SMARCD3: variants seen among roughly 807,000 people sequenced by gnomAD.
The protein encoded by SMARCD3 is SWI/SNF-related matrix-associated actin-dependent regulator of chromatin subfamily D member 3.
In SMARCD3, 14 loss-of-function variants were observed where a neutral mutation model predicts 58.0. The ratio of observed to expected loss-of-function variants is 0.24; its 90% CI spans 0.16 to 0.38. The LOEUF (loss-of-function observed/expected upper bound fraction) is 0.38. Ranked by LOEUF, SMARCD3 falls within the 10% of genes least tolerant of loss-of-function variation. The probability of loss-of-function intolerance (pLI) is 1.00; values close to 1 mark genes in which losing one functional copy is unlikely to be tolerated. For missense variants in SMARCD3, 408 were observed against 636.9 expected (o/e 0.64, Z 3.87); for synonymous variants, 253 against 253.8 (o/e 1.00, Z 0.03).
chr7:151,267,977 CATAA>C (rs1322576629), intron 2 of SMARCD3, among the ~76,000 whole-genome samples: 2 of 152,148 alleles, frequency 1.3e-5, no homozygotes, highest in Non-Finnish European at 2.9e-5. Context: ...GATCCTGTCT[CATAA>C]ATAAATAAAC....
chr7:151,260,933 C>T (rs908225822), intron 2 of SMARCD3, among the ~76,000 whole-genome samples: 13 of 152,216 alleles, frequency 8.5e-5, no homozygotes, highest in Admixed American at 5.9e-4. Flanking sequence ...TCACAGTAAG[C>T]TCAGCATCTT....
chr7:151,272,916 T>A (rs1418336727), intron 2 of SMARCD3, among the ~76,000 whole-genome samples: 1 of 152,122 alleles, frequency 6.6e-6, no homozygotes, highest in Non-Finnish European at 1.5e-5. Flanking sequence ...AGTCCACTCA[T>A]CCCCGATGGG....
chr7:151,272,635 A>G (rs766596322), intron 2 of SMARCD3, among the ~76,000 whole-genome samples: 6 of 152,178 alleles, frequency 3.9e-5, no homozygotes, highest in Non-Finnish European at 8.8e-5. Context: ...TAGAGTGCCA[A>G]GAATCGGTGT....
At chr7:151,255,437 C>T (rs1289646843) in intron 2 of SMARCD3, among the ~76,000 whole-genome samples, 1 of 152,176 alleles carries the variant, frequency 6.6e-6, no homozygotes, top group African/African-American at 2.4e-5. Flanking sequence ...TGCATCTTAC[C>T]CCCAGCTAGG....
Position 151,243,594 on chromosome 7 carries a change from GGGAGGGGAGGGC to G in SMARCD3, c.333+53_333+64del. 1.2e-6 allele frequency: 1 copy of G among 868,762 alleles called. No individual in the cohort carries two copies. The highest frequency in any genetic ancestry group is 2.0e-6 in the Non-Finnish European group (1 of 511,100). The allele number at this position is 868,762 out of a possible 1,614,324, so 53.8% of individuals were successfully genotyped here. The stretch of plus-strand genomic sequence containing the variant: ...GATGCTGAAGCTCTGCTTCTGAGGG[GGGAGGGGAGGGC>G]GGAGCAGCAAAGGGTGGGGGGTGGG... On this transcript the variant is annotated intron_variant, in intron 3 of 12. Coordinates refer to ENST00000262188, the MANE Select transcript of SMARCD3 (RefSeq NM_001003801.2). This position sits in a 1 kb window ranked among gnomAD's most constrained non-coding sequence, Gnocchi z 4.4.
intron 2 of SMARCD3, among the ~76,000 whole-genome samples, chr7:151,255,895 T>TG (rs1803683868): frequency 6.6e-6 from 1 of 151,996 alleles, no homozygotes; most frequent in African/African-American, 2.4e-5. Flanking sequence ...TTTTTTTTTT[T>TG]TTTGAGACAG....
chr7:151,243,521 G>A lies in SMARCD3; in HGVS notation c.333+138C>T, dbSNP rs1803102852. 1.5e-6 allele frequency: 1 copy of A among 665,748 alleles called. No homozygotes were observed. The highest frequency in any genetic ancestry group is 1.8e-5 in the African/African-American group (1 of 56,148). 41.2% of individuals were successfully genotyped at this position (665,748 alleles called of 1,614,324 possible). On this transcript the variant is annotated intron_variant, in intron 3 of 12. Transcript: ENST00000262188. This position sits in a 1 kb window ranked among gnomAD's most constrained non-coding sequence, Gnocchi z 4.4. ...TCACCCCCTCCCTCTGGCCTGCGGA[G>A]CCTCACTTATTAATGAGCTTTTTTA...
At position 151,241,237 on chromosome 7, in the gene SMARCD3, G is replaced by A. The variant is rs1295230340; in HGVS notation, c.939+255C>T. 13 of 520,278 alleles carry A rather than the reference G, an allele frequency of 2.5e-5. No individual in the cohort carries two copies. The highest frequency in any genetic ancestry group is 1.3e-4 in the African/African-American group (7 of 52,174). The allele number at this position is 520,278 out of a possible 1,614,324, so 32.2% of individuals were successfully genotyped here. ...CCAAGAATATTACATTCCAGAAAGC[G>A]GTTGGCTTTGTAGGGTTTCCAGGTC... On this transcript the variant is annotated intron_variant, in intron 8 of 12. Coordinates refer to ENST00000262188, the MANE Select transcript of SMARCD3 (RefSeq NM_001003801.2). The surrounding 1 kb of genome is among the most constrained non-coding windows in gnomAD (Gnocchi z 5.3).
intron 1 of SMARCD3, chr7:151,275,318 A>C (rs1343790153): frequency 1.5e-6 from 1 of 659,320 alleles, no homozygotes; most frequent in African/African-American, 1.8e-5. Flanking sequence ...GCTGCGAAGA[A>C]GCCAAACTCC....
At chr7:151,250,518 A>G, upstream of SMARCD3, among the ~76,000 whole-genome samples, 1 of 151,502 alleles carries the variant, frequency 6.6e-6, no homozygotes, top group East Asian at 2.0e-4. Flanking sequence ...TTTTACCTGG[A>G]ATGCCCTTTG....
rs763151189 is a variant in SMARCD3, at chr7:151,242,630, C to A, written c.457-27G>T. On this transcript the variant is annotated intron_variant, in intron 4 of 12. Transcript: ENST00000262188. The surrounding 1 kb of genome is among the most constrained non-coding windows in gnomAD (Gnocchi z 4.7). Reference sequence around the variant, plus strand: ...TGTAGAAATAGAGTGCAGAACCGGGCGAATGCTGTGTGCTCCCACCCCGAC... The same window carrying A: ...TGTAGAAATAGAGTGCAGAACCGGGAGAATGCTGTGTGCTCCCACCCCGAC... The A allele has an allele frequency of 6.2e-7, 1 of 1,612,070 alleles. No individual in the cohort carries two copies. Among genetic ancestry groups the A allele is most frequent in the East Asian group, 2.2e-5 (1 of 44,822 alleles).
At position 151,248,347 on chromosome 7, in the gene SMARCD3, G is replaced by A; in HGVS notation, c.78+138C>T. 7 of 621,936 alleles carry A rather than the reference G, an allele frequency of 1.1e-5. 1 individual carries two copies. The South Asian group carries it at 1.1e-4, about 10-fold the overall frequency. The allele number at this position is 621,936 out of a possible 1,614,324, so 38.5% of individuals were successfully genotyped here. ...GGTGCCAGGGCGCCAGCACAGTCCC[G>A]CGGCCGGGCCGTGGGCCATGACGCC... On this transcript the variant is annotated intron_variant, in intron 1 of 12. Transcript: ENST00000262188. This position sits in a 1 kb window ranked among gnomAD's most constrained non-coding sequence, Gnocchi z 6.1.
chr7:151,242,369 C>G lies in SMARCD3; in HGVS notation c.579+112G>C. The G allele has an allele frequency of 6.7e-7, 1 of 1,498,294 alleles. No homozygotes were observed. The highest frequency in any genetic ancestry group is 9.2e-7 in the Non-Finnish European group (1 of 1,085,400). 92.8% of individuals were successfully genotyped at this position (1,498,294 alleles called of 1,614,324 possible). A position where few individuals can be genotyped will look rare whatever the true frequency, so the allele number is the denominator to read the frequency against. On this transcript the variant is annotated intron_variant, in intron 5 of 12. Coordinates refer to ENST00000262188, the MANE Select transcript of SMARCD3 (RefSeq NM_001003801.2). This position sits in a 1 kb window ranked among gnomAD's most constrained non-coding sequence, Gnocchi z 4.7. ...ACTTGGAATGTCTCTAGGCCTGCCC[C>G]TCCACCCAGCCTGGGCTGACTCCCT...
upstream of SMARCD3, among the ~76,000 whole-genome samples, chr7:151,253,528 G>T (rs945067200): frequency 1.3e-5 from 2 of 152,182 alleles, no homozygotes; most frequent in African/African-American, 4.8e-5. Flanking sequence ...CTAATGGGAT[G>T]CTCCTTGACA....
At position 151,243,555 on chromosome 7, in the gene SMARCD3, G is replaced by T; in HGVS notation, c.333+104C>A. The T allele has an allele frequency of 1.3e-6, 1 of 747,548 alleles. No individual in the cohort carries two copies. The highest frequency in any genetic ancestry group is 1.5e-5 in the South Asian group (1 of 68,576). The allele number at this position is 747,548 out of a possible 1,614,324, so 46.3% of individuals were successfully genotyped here. On this transcript the variant is annotated intron_variant, in intron 3 of 12. Transcript: ENST00000262188. This position sits in a 1 kb window ranked among gnomAD's most constrained non-coding sequence, Gnocchi z 4.4. ...ATTAATGAGCTTTTTTAAACAAAAAGTGAAAGTGACTGTGATGCTGAAGCT... is the reference window on the plus strand; with the variant it reads ...ATTAATGAGCTTTTTTAAACAAAAATTGAAAGTGACTGTGATGCTGAAGCT...
intron 1 of SMARCD3, among the ~76,000 whole-genome samples, chr7:151,275,442 GAGCAGTATGTGTGGGA>G (rs1795312851): frequency 6.6e-6 from 1 of 152,208 alleles, no homozygotes; most frequent in Non-Finnish European, 1.5e-5. Context: ...GCGCAGGTGG[GAGCAGTATGTGTGGGA>G]AGCAGACAGA....
At position 151,240,872 on chromosome 7, in the gene SMARCD3, C is replaced by T. The variant is rs138328016; in HGVS notation, c.940-350G>A. 161 of 301,156 alleles carry T rather than the reference C, an allele frequency of 5.3e-4. 1 individual carries two copies. Among genetic ancestry groups the T allele is most frequent in the South Asian group, 4.2e-3 (107 of 25,222 alleles). The allele number at this position is 301,156 out of a possible 1,614,324, so 18.7% of individuals were successfully genotyped here. A position where few individuals can be genotyped will look rare whatever the true frequency, so the allele number is the denominator to read the frequency against. On this transcript the variant is annotated intron_variant, in intron 8 of 12. Transcript: ENST00000262188. Reference sequence around the variant, plus strand: ...TGGGGATGAAAAGAATACCTATCTCCCAGGGCTGCCGTGAGAAGTCAGTGA... The same window carrying T: ...TGGGGATGAAAAGAATACCTATCTCTCAGGGCTGCCGTGAGAAGTCAGTGA...
At chr7:151,266,117 G>A (rs1036356497) in intron 2 of SMARCD3, among the ~76,000 whole-genome samples, 2 of 151,990 alleles carry the variant, frequency 1.3e-5, no homozygotes, top group Admixed American at 6.6e-5. Flanking sequence ...TTACAGGCAC[G>A]TGCCACCAGG....
chr7:151,242,682 C>T lies in SMARCD3; in HGVS notation c.456+39G>A, dbSNP rs374514212. On this transcript the variant is annotated intron_variant, in intron 4 of 12. Coordinates refer to ENST00000262188, the MANE Select transcript of SMARCD3 (RefSeq NM_001003801.2). This position sits in a 1 kb window ranked among gnomAD's most constrained non-coding sequence, Gnocchi z 4.7. ...ACCCTGCTTCCCCATCCTGGTCACA[C>T]AACTCTAGAGTCCCCTTCCTACCCC... 2.5e-6 allele frequency: 4 copies of T among 1,613,612 alleles called. No individual in the cohort carries two copies. In the African/African-American group the frequency reaches 4.0e-5, roughly 16 times the overall value.
Sources: gnomAD v4.1 joint callset for allele counts (sites outside exome capture counted in the v4.1 genomes callset) on GRCh38, gnomAD v4.1.1 for gene constraint, Gnocchi (gnomAD v3.1) non-coding constraint, MANE v1.5 for transcripts, NCBI Gene and HGNC (gene_info 2026-07-23, HGNC 2026-07-21) for gene names.